GNA14: variants seen among roughly 807,000 people sequenced by gnomAD.
GNA14 encodes the protein G protein subunit alpha 14, also known as guanine nucleotide-binding protein subunit alpha-14.
In GNA14, 50 loss-of-function variants were observed where a neutral mutation model predicts 42.0. The observed-to-expected ratio is 1.19, with a 90% CI of 0.95 to 1.51. The LOEUF (loss-of-function observed/expected upper bound fraction) is 1.51, where lower values mean the gene tolerates loss of function less well. GNA14 is among the 40% of genes most tolerant of loss of function. GNA14 has a pLI of 0.00. For synonymous variants in GNA14, 173 were observed against 163.1 expected (o/e 1.06, Z -0.46); for missense variants, 473 against 446.2 (o/e 1.06, Z -0.54).
chr9:77,493,047 T>A (rs960054362), intron 2 of GNA14, among the ~76,000 whole-genome samples: 8 of 97,118 alleles, frequency 8.2e-5, no homozygotes, highest in Admixed American at 7.5e-4. Flanking sequence ...ATATATATAT[T>A]TGGGAGATGC....
At chr9:77,592,214 T>C (rs1040271728) in intron 1 of GNA14, among the ~76,000 whole-genome samples, 1 of 152,192 alleles carries the variant, frequency 6.6e-6, no homozygotes, top group Non-Finnish European at 1.5e-5. Context: ...GTCCAGCACT[T>C]TCTTCTGTCA....
intron 2 of GNA14, among the ~76,000 whole-genome samples, chr9:77,474,302 G>A (rs1225188675): frequency 2.0e-5 from 3 of 152,110 alleles, no homozygotes; most frequent in East Asian, 3.8e-4. Context: ...TTACAACTCA[G>A]TAAGAAAAGA....
intron 2 of GNA14, among the ~76,000 whole-genome samples, chr9:77,486,788 T>C (rs528132793): frequency 2.6e-5 from 4 of 152,266 alleles, no homozygotes; most frequent in South Asian, 2.1e-4. Context: ...ACAATGTTTA[T>C]TGACTGTCTT....
intron 1 of GNA14, among the ~76,000 whole-genome samples, chr9:77,646,123 G>A (rs1156350310): frequency 6.6e-6 from 1 of 152,156 alleles, no homozygotes; most frequent in Admixed American, 6.5e-5. Context: ...CCAATGAACA[G>A]AGCCCCTTCC....
chr9:77,426,953 T>C (rs1440167387), intron 5 of GNA14, among the ~76,000 whole-genome samples: 1 of 152,192 alleles, frequency 6.6e-6, no homozygotes, highest in Non-Finnish European at 1.5e-5. Context: ...CCAGGTTTGT[T>C]CTGCCACTCA....
intron 2 of GNA14, among the ~76,000 whole-genome samples, chr9:77,458,124 A>C (rs1836038097): frequency 6.6e-6 from 1 of 152,152 alleles, no homozygotes; most frequent in Admixed American, 6.5e-5. Context: ...CAGATTTCCC[A>C]AGGGCCTGCT....
intron 2 of GNA14, among the ~76,000 whole-genome samples, chr9:77,493,003 GAAAAAA>G (rs56355394): frequency 5.0e-5 from 2 of 39,862 alleles, no homozygotes; most frequent in Non-Finnish European, 7.8e-5. Flanking sequence ...TCCGTCTCAG[GAAAAAA>G]AAAAAAAAAA....
intron 1 of GNA14, among the ~76,000 whole-genome samples, chr9:77,589,568 GGA>G (rs113344029): frequency 7.9e-5 from 12 of 152,284 alleles, no homozygotes; most frequent in African/African-American, 2.2e-4. Flanking sequence ...TGTTGAAAGG[GGA>G]GAGGGTTGTT....
At position 77,580,311 on chromosome 9, in the gene GNA14, G is replaced by C; in HGVS notation, c.125-51058C>G. On this transcript the variant is annotated intron_variant, in intron 1 of 6. Coordinates refer to ENST00000341700, the MANE Select transcript of GNA14 (RefSeq NM_004297.4). ...CATTCAACATTACTACCAGTTATTT[G>C]ATAAAGATACAACCCGAATAGGTAC... is the stretch of plus-strand genomic sequence containing the variant. 6.0e-6 allele frequency: 2 copies of C among 333,618 alleles called. 1 individual carries two copies. Among genetic ancestry groups the C allele is most frequent in the South Asian group, 5.7e-5 (2 of 35,162 alleles). 20.7% of individuals were successfully genotyped at this position (333,618 alleles called of 1,614,324 possible). A position where few individuals can be genotyped will look rare whatever the true frequency, so the allele number is the denominator to read the frequency against.
At chr9:77,546,512 C>T (rs1837722526) in intron 1 of GNA14, among the ~76,000 whole-genome samples, 1 of 152,142 alleles carries the variant, frequency 6.6e-6, no homozygotes, top group South Asian at 2.1e-4. Flanking sequence ...TCATTCCAAT[C>T]ATTCTTTAGT....
At chr9:77,571,020 A>G (rs1271416473) in intron 1 of GNA14, among the ~76,000 whole-genome samples, 1 of 152,216 alleles carries the variant, frequency 6.6e-6, no homozygotes, top group Non-Finnish European at 1.5e-5. Flanking sequence ...CATGTACTCT[A>G]TGATAGAGGT....
chr9:77,460,822 G>A (rs1190472744), intron 2 of GNA14, among the ~76,000 whole-genome samples: 1 of 152,180 alleles, frequency 6.6e-6, no homozygotes, highest in African/African-American at 2.4e-5. Flanking sequence ...TGTGGGGCGT[G>A]GATGGAAGAG....
In GNA14 at chr9:77,424,282, G is replaced by T. The variant is rs1835419910; in HGVS notation, c.878-113C>A. On this transcript the variant is annotated intron_variant, in intron 6 of 6. Coordinates refer to ENST00000341700, the MANE Select transcript of GNA14 (RefSeq NM_004297.4). Reference sequence around the variant, plus strand: ...CTGTAGCCCAGGCTGGAGTGCAGTGGCACGGTCTCAGCTCACTGCAACCTC... The same window carrying T: ...CTGTAGCCCAGGCTGGAGTGCAGTGTCACGGTCTCAGCTCACTGCAACCTC... 1.0e-5 allele frequency: 7 copies of T among 666,926 alleles called. No homozygotes were observed. In the South Asian group the frequency reaches 1.6e-4, roughly 16 times the overall value. The allele number at this position is 666,926 out of a possible 1,614,324, so 41.3% of individuals were successfully genotyped here.
chr9:77,624,281 T>C (rs1036021608), intron 1 of GNA14, among the ~76,000 whole-genome samples: 1 of 152,204 alleles, frequency 6.6e-6, no homozygotes, highest in Non-Finnish European at 1.5e-5. Flanking sequence ...CAGGGGCTTA[T>C]AGGTAAAACT....
intron 2 of GNA14, among the ~76,000 whole-genome samples, chr9:77,442,038 AG>A (rs1835744606): frequency 7.9e-6 from 1 of 127,164 alleles, no homozygotes; most frequent in Non-Finnish European, 1.7e-5. Context: ...AGCTAGAAAT[AG>A]CAGACAAAAT....
intron 1 of GNA14, among the ~76,000 whole-genome samples, chr9:77,544,562 G>C (rs887821700): frequency 6.6e-6 from 1 of 151,280 alleles, no homozygotes; most frequent in Non-Finnish European, 1.5e-5. Context: ...AATTAGCCAG[G>C]CATGGTAGCA....
intron 1 of GNA14, among the ~76,000 whole-genome samples, chr9:77,613,214 G>C (rs536008386): frequency 1.3e-5 from 2 of 152,206 alleles, no homozygotes; most frequent in East Asian, 3.9e-4. Context: ...ATCACATTGA[G>C]AATTAAAGTT....
intron 1 of GNA14, among the ~76,000 whole-genome samples, chr9:77,613,264 C>A (rs1364952787): frequency 6.6e-6 from 1 of 152,100 alleles, no homozygotes; most frequent in African/African-American, 2.4e-5. Context: ...AACTTTTATT[C>A]CATAATATGC....
chr9:77,514,768 C>T (rs1837224304), intron 2 of GNA14, among the ~76,000 whole-genome samples: 2 of 152,008 alleles, frequency 1.3e-5, no homozygotes, highest in Non-Finnish European at 2.9e-5. Flanking sequence ...CGTCTGCCAC[C>T]ACGCCCGGCT....
Sources: gnomAD v4.1 joint callset for allele counts (sites outside exome capture counted in the v4.1 genomes callset) on GRCh38, gnomAD v4.1.1 for gene constraint, MANE v1.5 for transcripts, NCBI Gene and HGNC (gene_info 2026-07-23, HGNC 2026-07-21) for gene names.